The following RAPGEF2 variants were observed in gnomAD, a reference collection of about 807,000 sequenced individuals.
The protein encoded by RAPGEF2 is Rap guanine nucleotide exchange factor 2.
RAPGEF2 carries 54 observed loss-of-function variants against 186.7 expected under a neutral mutation model. The observed-to-expected ratio is 0.29, with a 90% CI of 0.23 to 0.36. The LOEUF is 0.36. Among genes scored for constraint, RAPGEF2 ranks in the 10% least tolerant of loss-of-function variants. The pLI is 1.00. For missense variants in RAPGEF2, 1,532 were observed against 2,045.0 expected (o/e 0.75, Z 4.84); for synonymous variants, 712 against 705.9 (o/e 1.01, Z -0.14).
At chr4:159,296,906 A>C (rs560682370) in intron 7 of RAPGEF2, among the ~76,000 whole-genome samples, 1 of 152,198 alleles carries the variant, frequency 6.6e-6, no homozygotes, top group Non-Finnish European at 1.5e-5. Context: ...TCCTAAAAGT[A>C]TTTGCTTTGA....
intron 2 of RAPGEF2, among the ~76,000 whole-genome samples, chr4:159,187,313 TTC>T (rs1005565283): frequency 6.6e-6 from 1 of 152,088 alleles, no homozygotes; most frequent in African/African-American, 2.4e-5. Flanking sequence ...CCCCTTTTTT[TTC>T]TCTGTCTCTC....
At chr4:159,323,116 C>T (rs1437408867) in intron 10 of RAPGEF2, among the ~76,000 whole-genome samples, 1 of 152,088 alleles carries the variant, frequency 6.6e-6, no homozygotes, top group Non-Finnish European at 1.5e-5. Flanking sequence ...TGCATTTTGT[C>T]AGACAAAATG....
At chr4:159,337,461 A>G (rs1218683059) in intron 17 of RAPGEF2, among the ~76,000 whole-genome samples, 1 of 152,228 alleles carries the variant, frequency 6.6e-6, no homozygotes, top group Non-Finnish European at 1.5e-5. Flanking sequence ...CTATCAGTTG[A>G]GTGAGTTAAA....
intron 9 of RAPGEF2, among the ~76,000 whole-genome samples, chr4:159,321,314 C>T (rs1765207470): frequency 6.6e-6 from 1 of 151,846 alleles, no homozygotes; most frequent in Non-Finnish European, 1.5e-5. Context: ...TCAAGCAATC[C>T]TCCCACCTCA....
At chr4:159,121,805 C>T (rs921394219) in intron 1 of RAPGEF2, among the ~76,000 whole-genome samples, 3 of 150,362 alleles carry the variant, frequency 2.0e-5, no homozygotes, top group Non-Finnish European at 3.0e-5. Flanking sequence ...CCGAGGCGGG[C>T]GGATCACAAG....
At chr4:159,229,384 C>A (rs1752379567) in intron 4 of RAPGEF2, 2 of 152,176 alleles carry the variant, frequency 1.3e-5, no homozygotes, top group Non-Finnish European at 2.9e-5. Context: ...GACTGCCTTT[C>A]GTGGAAAGCT....
chr4:159,168,123 C>A (rs1249510547), intron 1 of RAPGEF2, among the ~76,000 whole-genome samples: 1 of 152,136 alleles, frequency 6.6e-6, no homozygotes, highest in Non-Finnish European at 1.5e-5. Context: ...GGGTTATTGC[C>A]AGAGTTGTTT....
At chr4:159,356,291 T>G in intron 29 of RAPGEF2, 133 bp downstream of exon 29, 1 of 952,846 alleles carries the variant, frequency 1.0e-6, no homozygotes, top group South Asian at 1.9e-5. Flanking sequence ...TACACTACAT[T>G]CAGAGTTCCA....
chr4:159,295,966 A>AC (rs1317425889), intron 7 of RAPGEF2, among the ~76,000 whole-genome samples: 3 of 152,112 alleles, frequency 2.0e-5, no homozygotes, highest in Non-Finnish European at 4.4e-5. Context: ...ATCAGAAATG[A>AC]CCCCAAGCGA....
chr4:159,157,685 G>T (rs1412913540), intron 1 of RAPGEF2, among the ~76,000 whole-genome samples: 1 of 152,186 alleles, frequency 6.6e-6, no homozygotes, highest in African/African-American at 2.4e-5. Context: ...GGGGGAAGGG[G>T]AAACCTTATG....
At chr4:159,203,076 A>G (rs1023697345) in intron 3 of RAPGEF2, among the ~76,000 whole-genome samples, 2 of 152,290 alleles carry the variant, frequency 1.3e-5, no homozygotes, top group African/African-American at 2.4e-5. Flanking sequence ...TCCCTTGTCA[A>G]CTTCAACTTG....
intron 8 of RAPGEF2, among the ~76,000 whole-genome samples, chr4:159,305,550 T>C (rs1763180335): frequency 6.6e-6 from 1 of 152,154 alleles, no homozygotes; most frequent in African/African-American, 2.4e-5. Flanking sequence ...GTTGTTGTTA[T>C]TCAGTTGTTT....
intron 1 of RAPGEF2, among the ~76,000 whole-genome samples, chr4:159,151,539 T>G (rs1482683901): frequency 6.6e-6 from 1 of 152,252 alleles, no homozygotes; most frequent in Admixed American, 6.5e-5. Context: ...TGTGCTGGTC[T>G]GTGGACAATG....
intron 1 of RAPGEF2, among the ~76,000 whole-genome samples, chr4:159,137,840 G>A (rs560425739): frequency 6.6e-6 from 1 of 151,982 alleles, no homozygotes; most frequent in African/African-American, 2.4e-5. Flanking sequence ...AGCACAAAGA[G>A]TAACTGTAAT....
At chr4:159,343,506 G>A in intron 22 of RAPGEF2, 102 bp downstream of exon 22, 1 of 1,447,678 alleles carries the variant, frequency 6.9e-7, no homozygotes, top group Non-Finnish European at 9.4e-7. Flanking sequence ...TATATTTGTA[G>A]TACGGCAGAA....
chr4:159,271,160 A>G (rs751183997), intron 7 of RAPGEF2, among the ~76,000 whole-genome samples: 7 of 152,138 alleles, frequency 4.6e-5, no homozygotes, highest in Non-Finnish European at 1.0e-4. Flanking sequence ...TGTTTTTTTA[A>G]AGTGGAGCTC....
At position 159,256,780 on chromosome 4, in the gene RAPGEF2, A is replaced by T. The variant is rs963625888; in HGVS notation, c.543+12989A>T. Among the ~76,000 whole-genome samples, 18 of 152,128 alleles carry T rather than the reference A, an allele frequency of 1.2e-4. No individual in the cohort carries two copies. The South Asian group carries it at 2.1e-3, about 18-fold the overall frequency. On this transcript the variant is annotated intron_variant, in intron 7 of 29. Coordinates refer to ENST00000691494, the MANE Select transcript of RAPGEF2 (RefSeq NM_001394067.2). ...GTATCTCATTGTGGTTTTGATTTGAATTTCTCTAATGATCAGTGATGTTTG... is the reference window on the plus strand; with the variant it reads ...GTATCTCATTGTGGTTTTGATTTGATTTTCTCTAATGATCAGTGATGTTTG...
At chr4:159,242,288 A>G (rs1046068239) in intron 6 of RAPGEF2, among the ~76,000 whole-genome samples, 6 of 151,662 alleles carry the variant, frequency 4.0e-5, no homozygotes, top group Admixed American at 2.6e-4. Flanking sequence ...TAAAATAAAA[A>G]TATAAAAAAT....
chr4:159,181,354 AT>A (rs1372726940), intron 1 of RAPGEF2, among the ~76,000 whole-genome samples: 2 of 151,918 alleles, frequency 1.3e-5, no homozygotes, highest in East Asian at 3.9e-4. Context: ...AATTTTATTT[AT>A]TTTTTTCTAA....
Sources: allele counts gnomAD v4.1 joint callset (sites outside exome capture counted in the v4.1 genomes callset), GRCh38; gene constraint gnomAD v4.1.1; transcripts MANE v1.5; gene names NCBI Gene and HGNC (gene_info 2026-07-23, HGNC 2026-07-21).